PHF23: variants seen among roughly 807,000 people sequenced by gnomAD.
PHF23 encodes PDH-containing protein JUNE-1.
Under a neutral mutation model 36.0 loss-of-function variants are expected in PHF23, and 3 were observed. The observed-to-expected ratio is 0.08, with a 90% confidence interval of 0.04 to 0.22. PHF23 has a LOEUF of 0.22. Among genes scored for constraint, PHF23 ranks in the 10% least tolerant of loss-of-function variants. The probability of loss-of-function intolerance (pLI) is 1.00; values close to 1 mark genes in which losing one functional copy is unlikely to be tolerated. For synonymous variants in PHF23, 242 were observed against 192.5 expected, an observed-to-expected ratio of 1.26 and a Z score of -2.13; for missense variants, 475 against 513.6, an observed-to-expected ratio of 0.92 and a Z score of 0.73.
In PHF23 at chr17:7,235,845, G is replaced by GC; in HGVS notation, c.998-6_998-5insG. On this transcript the variant is annotated splice_region_variant and splice_polypyrimidine_tract_variant and intron_variant, in intron 4 of 4. Transcript: ENST00000320316. ...TCAGATCCCATGAGTCATCACCTGG[G>GC]GAAAAAAAGGTTTGTTTGGTATTCT... 1.9e-6 allele frequency: 3 copies of GC among 1,612,778 alleles called. No individual in the cohort carries two copies. Among genetic ancestry groups the GC allele is most frequent in the Non-Finnish European group, 2.5e-6 (3 of 1,179,742 alleles).
intron 2 of PHF23, 59 bp from the exon 3 acceptor site, chr17:7,237,536 C>G (rs1423786144): frequency 6.2e-7 from 1 of 1,606,380 alleles, no homozygotes; most frequent in Admixed American, 1.7e-5. Flanking sequence ...ATGGCATTCC[C>G]AGAAACACAG....
In PHF23 at chr17:7,235,610, G is replaced by A. The variant is rs765180301; in HGVS notation, c.*16C>T. ...TCATGTTGTCATTTGGAAGTTCCAG[G>A]CTAAAGTTGGTGCCATCAGGGCTCT... is the stretch of plus-strand genomic sequence containing the variant. On this transcript the variant is annotated 3_prime_UTR_variant, in exon 5 of 5. Coordinates refer to ENST00000320316, the MANE Select transcript of PHF23 (RefSeq NM_024297.3). 1.2e-6 allele frequency: 2 copies of A among 1,610,366 alleles called. No homozygotes were observed. The highest frequency in any genetic ancestry group is 1.3e-5 in the African/African-American group (1 of 74,948).
In PHF23 at chr17:7,236,761, C is replaced by G; in HGVS notation, c.166G>C (p.Asp56His). 1 of 1,609,422 alleles carries G rather than the reference C, an allele frequency of 6.2e-7. No individual in the cohort carries two copies. Among genetic ancestry groups the G allele is most frequent in the South Asian group, 1.1e-5 (1 of 90,790 alleles). ...GAGCTGGAGCCAGAGGCTGGCCAGT[C>G]ACTTTCCTTAAAAGGGGGAAGAGAC... ...GYIPPSKEES[D>H]WPASGSSSPL... The change falls in exon 4 of 5, where the codon GAC becomes CAC. Residue 56 changes from aspartate (D) to histidine (H), a missense_variant. This residue lies in a region of PHF23 where 350 missense variants were observed against 319.8 expected (regional missense o/e 1.09). Coordinates refer to ENST00000320316, the MANE Select transcript of PHF23 (RefSeq NM_024297.3). This position sits in a 1 kb window ranked among gnomAD's most constrained non-coding sequence, Gnocchi z 5.1.
chr17:7,235,897 C>CT, intron 4 of PHF23, 33 bp downstream of exon 4: 1 of 1,612,606 alleles, frequency 6.2e-7, no homozygotes, highest in Non-Finnish European at 8.5e-7. Context: ...CCACAACACC[C>CT]TCAAACCCCT....
At chr17:7,237,717 C>T (rs924055985) in intron 1 of PHF23, 57 bp from the exon 2 acceptor site, 67 of 1,587,108 alleles carry the variant, frequency 4.2e-5, no homozygotes, top group South Asian at 2.1e-4. Flanking sequence ...GTAAAACTCC[C>T]CCTCTAAACC....
rs756358254 is a variant in PHF23, at chr17:7,236,762, A to G, written c.165T>C (p.Ser55=). 1.2e-6 allele frequency: 2 copies of G among 1,609,044 alleles called. No homozygotes were observed. The highest frequency in any genetic ancestry group is 2.2e-5 in the East Asian group (1 of 44,856). ...AGYIPPSKEE[S]DWPASGSSSP... ...AGCTGGAGCCAGAGGCTGGCCAGTC[A>G]CTTTCCTTAAAAGGGGGAAGAGACC... Residue 55 remains serine, a synonymous_variant, in exon 4 of 5, where the codon AGT becomes AGC. Transcript: ENST00000320316. The surrounding 1 kb of genome is among the most constrained non-coding windows in gnomAD (Gnocchi z 5.1).
In PHF23 at chr17:7,235,581, C is replaced by T. The variant is rs775105949; in HGVS notation, c.*45G>A. The T allele has an allele frequency of 3.8e-6, 6 of 1,597,056 alleles. No homozygotes were observed. The highest frequency in any genetic ancestry group is 5.1e-6 in the Non-Finnish European group (6 of 1,172,752). On this transcript the variant is annotated 3_prime_UTR_variant, in exon 5 of 5. Transcript: ENST00000320316. ...GCTGAGGACCCTGAGGCTCAGTTCCCAAATCATGTTGTCATTTGGAAGTTC... is the reference window on the plus strand; with the variant it reads ...GCTGAGGACCCTGAGGCTCAGTTCCTAAATCATGTTGTCATTTGGAAGTTC...
At position 7,235,637 on chromosome 17, in the gene PHF23, C is replaced by G; in HGVS notation, c.1201G>C (p.Gly401Arg). The change falls in exon 5 of 5, where the codon GGA becomes CGA. Residue 401 changes from glycine (G) to arginine (R), a missense_variant. By Grantham distance (125) the Gly-to-Arg change is moderately radical. Transcript: ENST00000320316. ...ARRLGGPPKS[G>R]EP ...TAAAGTTGGTGCCATCAGGGCTCTC[C>G]AGATTTGGGAGGCCCCCCTAACCGC... 1 of 1,613,524 alleles carries G rather than the reference C, an allele frequency of 6.2e-7. No individual in the cohort carries two copies. The highest frequency in any genetic ancestry group is 8.5e-7 in the Non-Finnish European group (1 of 1,180,024).
chr17:7,236,315 T>A lies in PHF23; in HGVS notation c.612A>T (p.Pro204=). 1 of 1,614,116 alleles carries A rather than the reference T, an allele frequency of 6.2e-7. No individual in the cohort carries two copies. The highest frequency in any genetic ancestry group is 8.5e-7 in the Non-Finnish European group (1 of 1,179,986). The stretch of plus-strand genomic sequence containing the variant: ...ATCTCTTTTCCCCATCCCCAGGAGT[T>A]GGCCGAGGCCTCCGAAGCACCCCAA... ...AGFGVLRRPR[P]TPGDGEKRSR... is the part of the protein sequence containing the mutation. Residue 204 remains proline, a synonymous_variant, in exon 4 of 5, where the codon CCA becomes CCT. Transcript: ENST00000320316. The surrounding 1 kb of genome is among the most constrained non-coding windows in gnomAD (Gnocchi z 5.1).
Position 7,236,592 on chromosome 17 carries a change from G to A in PHF23, c.335C>T (p.Pro112Leu), listed in dbSNP as rs757302765. The A allele has an allele frequency of 6.2e-7, 1 of 1,614,186 alleles. No homozygotes were observed. Among genetic ancestry groups the A allele is most frequent in the Non-Finnish European group, 8.5e-7 (1 of 1,180,018 alleles). ...AQAGPTQPGP[P>L]RSTFSRLQAP... ...CTGCAGACGAGAGAAAGTGGACCTT[G>A]GGGGTCCTGGCTGGGTGGGACCTGC... is the stretch of plus-strand genomic sequence containing the variant. The change falls in exon 4 of 5, where the codon CCA becomes CTA. Residue 112 changes from proline to leucine, a missense_variant. Pro to Leu is a moderately conservative substitution (Grantham distance 98). Transcript: ENST00000320316. This position sits in a 1 kb window ranked among gnomAD's most constrained non-coding sequence, Gnocchi z 5.1.
At chr17:7,237,936 C>T in intron 1 of PHF23, 1 of 478,610 alleles carries the variant, frequency 2.1e-6, no homozygotes, top group Non-Finnish European at 3.8e-6. Context: ...TCTCTCTCGA[C>T]TCCAGTCTAC....
chr17:7,238,790 C>A, intron 1 of PHF23: 2 of 1,534,558 alleles, frequency 1.3e-6, no homozygotes, highest in Non-Finnish European at 1.7e-6. Flanking sequence ...GCCCACCTCT[C>A]CGACAATCAC....
rs1179067635 is a variant in PHF23 at position 7,236,235 on chromosome 17, C to G, written c.692G>C (p.Arg231Thr). 4 of 1,613,352 alleles carry G rather than the reference C, an allele frequency of 2.5e-6. No individual in the cohort carries two copies. The highest frequency in any genetic ancestry group is 3.4e-6 in the Non-Finnish European group (4 of 1,179,594). The change falls in exon 4 of 5, where the codon AGA becomes ACA. Residue 231 changes from arginine (R) to threonine (T), a missense_variant. Physicochemically the swap from Arg to Thr is moderately conservative, Grantham distance 71. Transcript: ENST00000320316. The surrounding 1 kb of genome is among the most constrained non-coding windows in gnomAD (Gnocchi z 5.1). ...CTGGGGAGGCCCAGGAGGTGGGAGT[C>G]TATCCCCCCGTTCTGCCTTTTTTAA... ...RKLKKAERGD[R>T]LPPPGPPQAP...
At position 7,236,267 on chromosome 17, in the gene PHF23, C is replaced by G; in HGVS notation, c.660G>C (p.Lys220Asn). Residue 220 changes from lysine (K) to asparagine (N), a missense_variant, in exon 4 of 5, where the codon AAG becomes AAC. By Grantham distance (94) the Lys-to-Asn change is moderately conservative. Transcript: ENST00000320316. The surrounding 1 kb of genome is among the most constrained non-coding windows in gnomAD (Gnocchi z 5.1). ...EKRSRIKKSK[K>N]RKLKKAERGD... Reference sequence around the variant, plus strand: ...CCCGTTCTGCCTTTTTTAACTTCCGCTTCTTGCTCTTCTTGATTCGAGATC... The same window carrying G: ...CCCGTTCTGCCTTTTTTAACTTCCGGTTCTTGCTCTTCTTGATTCGAGATC... 1 of 1,613,582 alleles carries G rather than the reference C, an allele frequency of 6.2e-7. No homozygotes were observed. Among genetic ancestry groups the G allele is most frequent in the South Asian group, 1.1e-5 (1 of 91,030 alleles).
rs1476340703 is a variant in PHF23, at chr17:7,235,178, C to G, written c.*448G>C. 1 of 209,870 alleles carries G rather than the reference C, an allele frequency of 4.8e-6. No homozygotes were observed. The highest frequency in any genetic ancestry group is 9.9e-6 in the Non-Finnish European group (1 of 100,820). 13.0% of individuals were successfully genotyped at this position (209,870 alleles called of 1,614,324 possible). On this transcript the variant is annotated 3_prime_UTR_variant, in exon 5 of 5. Transcript: ENST00000320316. ...ACTTGGCCAGGCTCTAGTACTCCAC[C>G]TTTGAGCTGCCATGCCCAATAGGGG...
Position 7,236,176 on chromosome 17 carries a change from CCTCCTCTTCAGA to C in PHF23, c.739_750del (p.Ser247_Glu250del), listed in dbSNP as rs2071658490. The C allele has an allele frequency of 6.2e-7, 1 of 1,611,640 alleles. No homozygotes were observed. Among genetic ancestry groups the C allele is most frequent in the Non-Finnish European group, 8.5e-7 (1 of 1,178,762 alleles). ...TCTTCTTCCTCTTCCTCCTCTTCCT[CCTCCTCTTCAGA>C]GTCTGTATCACTGGGGGGTGCCTGG... On this transcript the variant is annotated inframe_deletion, in exon 4 of 5. Coordinates refer to ENST00000320316, the MANE Select transcript of PHF23 (RefSeq NM_024297.3). The surrounding 1 kb of genome is among the most constrained non-coding windows in gnomAD (Gnocchi z 5.1).
intron 1 of PHF23, chr17:7,238,721 G>T (rs1427848167): frequency 2.4e-6 from 3 of 1,258,774 alleles, no homozygotes; most frequent in Non-Finnish European, 3.0e-6. Context: ...ACTACCCCCC[G>T]GTACAGGTCC....
chr17:7,237,290 G>C, intron 3 of PHF23, 95 bp downstream of exon 3: 1 of 1,092,062 alleles, frequency 9.2e-7, no homozygotes, highest in Admixed American at 2.2e-5. Context: ...ATTTCTAAGG[G>C]CCTCCTTCTA....
Position 7,236,845 on chromosome 17 carries a change from A to T in PHF23, c.160-78T>A, listed in dbSNP as rs1338519340. 1.3e-6 allele frequency: 2 copies of T among 1,514,294 alleles called. No individual in the cohort carries two copies. The highest frequency in any genetic ancestry group is 2.8e-5 in the African/African-American group (2 of 72,070). The allele number at this position is 1,514,294 out of a possible 1,614,324, so 93.8% of individuals were successfully genotyped here. On this transcript the variant is annotated intron_variant, in intron 3 of 4. Coordinates refer to ENST00000320316, the MANE Select transcript of PHF23 (RefSeq NM_024297.3). This position sits in a 1 kb window ranked among gnomAD's most constrained non-coding sequence, Gnocchi z 5.1. ...CCTCCACAAACCCAGCTTGAAAAGG[A>T]GTGACTGGATTTACCCCAAAATGTC...
Sources: gnomAD v4.1 joint callset for allele counts on GRCh38, gnomAD v4.1.1 for gene constraint, gnomAD v4.1.1 regional missense constraint, Gnocchi (gnomAD v3.1) non-coding constraint, MANE v1.5 for transcripts, NCBI Gene and HGNC (gene_info 2026-07-23, HGNC 2026-07-21) for gene names.